Variants in LEF1 observed in about 807,000 individuals in gnomAD.
LEF1 encodes lymphoid enhancer-binding factor 1.
Under a neutral mutation model 51.2 loss-of-function variants are expected in LEF1, and 14 were observed. The ratio of observed to expected loss-of-function variants is 0.27; its 90% confidence interval spans 0.18 to 0.43. LEF1 has a LOEUF of 0.43. Ranked by LOEUF, LEF1 falls within the 20% of genes least tolerant of loss-of-function variation. The probability of loss-of-function intolerance (pLI) is 1.00; values close to 1 mark genes in which losing one functional copy is unlikely to be tolerated. For synonymous variants in LEF1, 185 were observed against 183.2 expected, an observed-to-expected ratio of 1.01 and a Z score of -0.08; for missense variants, 386 against 512.0, an observed-to-expected ratio of 0.75 and a Z score of 2.37.
chr4:108,055,480 A>G lies in LEF1; in HGVS notation c.*7-6729T>C, dbSNP rs544952406. On this transcript the variant is annotated intron_variant, in intron 11 of 11. Coordinates refer to ENST00000265165, the MANE Select transcript of LEF1 (RefSeq NM_016269.5). Reference sequence around the variant, plus strand: ...TGAAAAATTACATGTTTTGACACTTAAAGATGTAAACCATATAGCTTCTCT... The same window carrying G: ...TGAAAAATTACATGTTTTGACACTTGAAGATGTAAACCATATAGCTTCTCT... Among the ~76,000 whole-genome samples the G allele has an allele frequency of 4.6e-5, 7 of 152,362 alleles. No homozygotes were observed. The East Asian group carries it at 1.3e-3, about 29-fold the overall frequency.
intron 3 of LEF1, among the ~76,000 whole-genome samples, chr4:108,162,516 G>A (rs761874119): frequency 7.0e-4 from 107 of 152,260 alleles, no homozygotes; most frequent in Non-Finnish European, 1.2e-3. Context: ...TATTAACAAC[G>A]TTACTCTTCC....
chr4:108,126,632 G>A (rs1006442552), intron 3 of LEF1, among the ~76,000 whole-genome samples: 9 of 151,652 alleles, frequency 5.9e-5, no homozygotes, highest in South Asian at 2.1e-4. Flanking sequence ...GTGAAACACC[G>A]TCTCTACTAA....
intron 3 of LEF1, among the ~76,000 whole-genome samples, chr4:108,112,341 C>T (rs1192612045): frequency 6.6e-6 from 1 of 152,166 alleles, no homozygotes; most frequent in Non-Finnish European, 1.5e-5. Context: ...CTGCATGCCC[C>T]ATGCCTGGGG....
At chr4:108,106,260 T>C (rs1741159636) in intron 3 of LEF1, among the ~76,000 whole-genome samples, 1 of 152,188 alleles carries the variant, frequency 6.6e-6, no homozygotes, top group Non-Finnish European at 1.5e-5. Flanking sequence ...AGAAACTTAG[T>C]ATCTACTCAA....
intron 8 of LEF1, chr4:108,072,349 T>C (rs930839403): frequency 6.6e-6 from 1 of 152,182 alleles, no homozygotes; most frequent in Admixed American, 6.5e-5. Flanking sequence ...TTGACAACAG[T>C]ACATGAAGCT....
At chr4:108,091,032 C>T (rs1739986180) in intron 3 of LEF1, among the ~76,000 whole-genome samples, 1 of 152,096 alleles carries the variant, frequency 6.6e-6, no homozygotes, top group Non-Finnish European at 1.5e-5. Context: ...TATCATTATG[C>T]TCAATTCACT....
intron 3 of LEF1, among the ~76,000 whole-genome samples, chr4:108,152,427 CCAG>C (rs1744414016): frequency 6.6e-6 from 1 of 152,162 alleles, no homozygotes; most frequent in African/African-American, 2.4e-5. Context: ...AATCCCACAG[CCAG>C]TGGGGCAAGG....
intron 3 of LEF1, among the ~76,000 whole-genome samples, chr4:108,146,803 G>T (rs1021265867): frequency 2.6e-5 from 4 of 152,140 alleles, no homozygotes; most frequent in Non-Finnish European, 5.9e-5. Context: ...TTGGATTAGG[G>T]TTACTCAACC....
chr4:108,110,635 C>A (rs1741471694), intron 3 of LEF1, among the ~76,000 whole-genome samples: 1 of 152,190 alleles, frequency 6.6e-6, no homozygotes, highest in South Asian at 2.1e-4. Flanking sequence ...ATGGGCACAT[C>A]ATGCGGGTCT....
At chr4:108,103,845 A>G (rs1740972893) in intron 3 of LEF1, among the ~76,000 whole-genome samples, 1 of 152,242 alleles carries the variant, frequency 6.6e-6, no homozygotes, top group Admixed American at 6.5e-5. Flanking sequence ...AAGATATTCA[A>G]AAGAAATAGA....
intron 8 of LEF1, 136 bp from the exon 9 acceptor site, chr4:108,070,906 GC>G (rs1201230110): frequency 1.5e-6 from 1 of 646,550 alleles, no homozygotes; most frequent in East Asian, 2.8e-5. Flanking sequence ...AAGACCAAGT[GC>G]CAAGTGCCGT....
At chr4:108,057,209 T>G (rs1233019799) in intron 11 of LEF1, among the ~76,000 whole-genome samples, 1 of 152,182 alleles carries the variant, frequency 6.6e-6, no homozygotes, top group African/African-American at 2.4e-5. Context: ...GATGTCATTT[T>G]TTCACTTTCT....
chr4:108,096,606 A>C (rs1740412539), intron 3 of LEF1, among the ~76,000 whole-genome samples: 2 of 152,176 alleles, frequency 1.3e-5, no homozygotes, highest in Admixed American at 1.3e-4. Context: ...CGTTAAGTTA[A>C]AAAGCTTCTG....
At chr4:108,098,427 G>T (rs1740530318) in intron 3 of LEF1, among the ~76,000 whole-genome samples, 2 of 152,056 alleles carry the variant, frequency 1.3e-5, no homozygotes, top group Admixed American at 1.3e-4. Flanking sequence ...CTGTTTAAAT[G>T]TTCAGACTGC....
chr4:108,100,225 A>G (rs960653278), intron 3 of LEF1, among the ~76,000 whole-genome samples: 1 of 152,202 alleles, frequency 6.6e-6, no homozygotes, highest in African/African-American at 2.4e-5. Context: ...GTTCTATGTA[A>G]CTTTGCTTCA....
chr4:108,117,701 A>T (rs1034727879), intron 3 of LEF1, among the ~76,000 whole-genome samples: 1 of 152,188 alleles, frequency 6.6e-6, no homozygotes, highest in Middle Eastern at 3.4e-3. Flanking sequence ...CTGGCCAGAG[A>T]GAAGCTTTGC....
intron 3 of LEF1, among the ~76,000 whole-genome samples, chr4:108,119,778 A>T (rs1036934820): frequency 6.6e-6 from 1 of 152,208 alleles, no homozygotes; most frequent in Non-Finnish European, 1.5e-5. Context: ...TTTTGGTTTC[A>T]GCATCCATTT....
chr4:108,102,045 AAG>A (rs753755863), intron 3 of LEF1, among the ~76,000 whole-genome samples: 1 of 151,426 alleles, frequency 6.6e-6, no homozygotes, highest in African/African-American at 2.4e-5. Flanking sequence ...CCTGGGCAAC[AAG>A]AGTGAAACCC....
At chr4:108,148,070 T>C (rs187771832) in intron 3 of LEF1, among the ~76,000 whole-genome samples, 2 of 152,316 alleles carry the variant, frequency 1.3e-5, no homozygotes, top group Admixed American at 1.3e-4. Context: ...AGGTTTCTGG[T>C]GGTGGTACTA....
Sources: gnomAD v4.1 joint callset for allele counts (sites outside exome capture counted in the v4.1 genomes callset) on GRCh38, gnomAD v4.1.1 for gene constraint, MANE v1.5 for transcripts, NCBI Gene and HGNC (gene_info 2026-07-23, HGNC 2026-07-21) for gene names.